Variants in PCIF1 observed in about 807,000 individuals in gnomAD.
The protein encoded by PCIF1 is mRNA (2'-O-methyladenosine-N(6)-)-methyltransferase.
PCIF1 carries 12 observed loss-of-function variants against 86.9 expected under a neutral mutation model. That is an observed-to-expected ratio of 0.14 (90% CI 0.09 to 0.22). The LOEUF (loss-of-function observed/expected upper bound fraction) is 0.22, where lower values mean the gene tolerates loss of function less well. PCIF1 is among the 10% of genes least tolerant of loss of function. The pLI, the probability that PCIF1 is intolerant of heterozygous loss-of-function variation, is 1.00. For missense variants in PCIF1, 701 were observed against 951.1 expected, an observed-to-expected ratio of 0.74 and a Z score of 3.46; for synonymous variants, 397 against 372.0, an observed-to-expected ratio of 1.07 and a Z score of -0.77.
Position 45,943,032 on chromosome 20 carries a change from G to T in PCIF1, c.674-65G>T, listed in dbSNP as rs531254927. ...CTGCTGAATGCGATGCTTCCTATAC[G>T]TGCCAAGCTCCAAGTGGGACTGCTT... On this transcript the variant is annotated intron_variant, in intron 7 of 16. Transcript: ENST00000372409. The surrounding 1 kb of genome is among the most constrained non-coding windows in gnomAD (Gnocchi z 5.5). 2.1e-5 allele frequency: 32 copies of T among 1,524,252 alleles called. No homozygotes were observed. In the East Asian group the frequency reaches 6.6e-4, roughly 32 times the overall value. The allele number at this position is 1,524,252 out of a possible 1,614,324, so 94.4% of individuals were successfully genotyped here.
chr20:45,936,341 A>ATT (rs746165752), intron 1 of PCIF1, among the ~76,000 whole-genome samples: 41 of 109,704 alleles, frequency 3.7e-4, no homozygotes, highest in African/African-American at 3.8e-4. Flanking sequence ...CGCCGGGCTA[A>ATT]TTTTTTTTTT....
At chr20:45,944,733 G>A (rs1272142598) in intron 10 of PCIF1, 135 bp from the exon 11 acceptor site, 1 of 920,670 alleles carries the variant, frequency 1.1e-6, no homozygotes, top group African/African-American at 1.7e-5. Flanking sequence ...ATTTGTCCAA[G>A]TGACACAGCT....
chr20:45,937,688 T>C (rs1018475499), intron 2 of PCIF1, 103 bp downstream of exon 2: 3 of 398,066 alleles, frequency 7.5e-6, no homozygotes, highest in Non-Finnish European at 1.3e-5. Context: ...CTTCATTTTT[T>C]TCGTACCTTG....
In PCIF1 at chr20:45,947,160, C is replaced by A; in HGVS notation, c.1701C>A (p.His567Gln). The A allele has an allele frequency of 6.2e-7, 1 of 1,612,512 alleles. No homozygotes were observed. Among genetic ancestry groups the A allele is most frequent in the Non-Finnish European group, 8.5e-7 (1 of 1,178,748 alleles). The change falls in exon 15 of 17, where the codon CAC becomes CAA. Residue 567 changes from histidine (H) to glutamine (Q), a missense_variant. Coordinates refer to ENST00000372409, the MANE Select transcript of PCIF1 (RefSeq NM_022104.4). This position sits in a 1 kb window ranked among gnomAD's most constrained non-coding sequence, Gnocchi z 5.4. The part of the protein sequence containing the change: ...CEELMDAMVS[H>Q]FERLLESSPE... ...AGCTCATGGATGCCATGGTCTCTCA[C>A]TTTGAGGTGGGTGCACTGCCAGGGT...
At chr20:45,937,061 C>T (rs1467773449) in intron 1 of PCIF1, among the ~76,000 whole-genome samples, 1 of 152,186 alleles carries the variant, frequency 6.6e-6, no homozygotes, top group African/African-American at 2.4e-5. Context: ...CCTAAGGGTA[C>T]TTCAGTTGGC....
intron 1 of PCIF1, among the ~76,000 whole-genome samples, chr20:45,935,777 A>G (rs1375000152): frequency 2.0e-5 from 3 of 150,954 alleles, no homozygotes; most frequent in African/African-American, 2.4e-5. Context: ...TCACCTCCGT[A>G]TTTATTTCTG....
intron 2 of PCIF1, 111 bp from the exon 3 acceptor site, chr20:45,938,870 A>G: frequency 7.0e-7 from 1 of 1,419,446 alleles, no homozygotes; most frequent in Non-Finnish European, 9.6e-7. Flanking sequence ...CCTCCAGGAT[A>G]GGACCTGATT....
rs760152007 is a variant in PCIF1, at chr20:45,947,779, C to T, written c.*24C>T. On this transcript the variant is annotated 3_prime_UTR_variant, in exon 17 of 17. Coordinates refer to ENST00000372409, the MANE Select transcript of PCIF1 (RefSeq NM_022104.4). The surrounding 1 kb of genome is among the most constrained non-coding windows in gnomAD (Gnocchi z 5.4). ...AACATATCCTGCGGGGAGGAGGAGC[C>T]CCAGGGGTGCTAGTCTGGACTGCTG... is the stretch of plus-strand genomic sequence containing the variant. 1.3e-6 allele frequency: 2 copies of T among 1,587,640 alleles called. No individual in the cohort carries two copies. Among genetic ancestry groups the T allele is most frequent in the South Asian group, 2.2e-5 (2 of 89,530 alleles).
chr20:45,945,588 C>T (rs528324189), intron 11 of PCIF1, 123 bp from the exon 12 acceptor site: 9 of 1,208,432 alleles, frequency 7.4e-6, no homozygotes, highest in South Asian at 6.4e-5. Context: ...TTCTACTGAA[C>T]TGGGCCAGAG....
In PCIF1 at chr20:45,943,504, A is replaced by AG; in HGVS notation, c.905+84dup. 1 of 1,425,194 alleles carries AG rather than the reference A, an allele frequency of 7.0e-7. No individual in the cohort carries two copies. Among genetic ancestry groups the AG allele is most frequent in the Non-Finnish European group, 9.7e-7 (1 of 1,027,238 alleles). 88.3% of individuals were successfully genotyped at this position (1,425,194 alleles called of 1,614,324 possible). A position where few individuals can be genotyped will look rare whatever the true frequency, so the allele number is the denominator to read the frequency against. On this transcript the variant is annotated intron_variant, in intron 9 of 16. Transcript: ENST00000372409. The surrounding 1 kb of genome is among the most constrained non-coding windows in gnomAD (Gnocchi z 5.5). ...TAGGCCATCTTGCCCAGTCTCATGC[A>AG]GGGCTGTCATTGCTCTCGGTGGCAG...
In PCIF1 at chr20:45,947,180, C is replaced by T. The variant is rs1389094990; in HGVS notation, c.1707+14C>T. 1.9e-6 allele frequency: 3 copies of T among 1,609,814 alleles called. No individual in the cohort carries two copies. Among genetic ancestry groups the T allele is most frequent in the African/African-American group, 1.3e-5 (1 of 74,994 alleles). On this transcript the variant is annotated intron_variant, in intron 15 of 16. Transcript: ENST00000372409. The surrounding 1 kb of genome is among the most constrained non-coding windows in gnomAD (Gnocchi z 5.4). ...TCTCACTTTGAGGTGGGTGCACTGC[C>T]AGGGTGAGAGGTGGGCAACAGGCAG...
At chr20:45,937,385 A>T (rs2083435897) in intron 1 of PCIF1, 33 bp from the exon 2 acceptor site, 1 of 399,148 alleles carries the variant, frequency 2.5e-6, no homozygotes, top group Admixed American at 4.4e-5. Context: ...AGCATCCCAC[A>T]GGTCTGTGAC....
Position 45,947,434 on chromosome 20 carries a change from A to C in PCIF1, c.1879A>C (p.Lys627Gln), listed in dbSNP as rs765935366. The change falls in exon 16 of 17, where the codon AAG (lysine) becomes CAG (glutamine). Residue 627 changes from lysine (K) to glutamine (Q), a missense_variant. Coordinates refer to ENST00000372409, the MANE Select transcript of PCIF1 (RefSeq NM_022104.4). This position sits in a 1 kb window ranked among gnomAD's most constrained non-coding sequence, Gnocchi z 5.4. ...EYRSGSQHIC[K>Q]KEEMHYKAVH... Reference sequence around the variant, plus strand: ...CCGCAGTGGCTCCCAGCACATCTGCAAGAAGTGGGTGCCAGGGAGGGCAGG... The same window carrying C: ...CCGCAGTGGCTCCCAGCACATCTGCCAGAAGTGGGTGCCAGGGAGGGCAGG... The C allele has an allele frequency of 6.2e-7, 1 of 1,613,808 alleles. No individual in the cohort carries two copies. The highest frequency in any genetic ancestry group is 1.1e-5 in the South Asian group (1 of 91,084).
chr20:45,947,548 C>T lies in PCIF1; in HGVS notation c.1908C>T (p.Val636=), dbSNP rs1366151360. 8.7e-6 allele frequency: 14 copies of T among 1,613,678 alleles called. No homozygotes were observed. The highest frequency in any genetic ancestry group is 1.3e-5 in the African/African-American group (1 of 74,946). ...GGGAGGAAATGCACTACAAGGCCGTCCACAACACGGCTGTGCTCTTCCTAC... is the reference window on the plus strand; with the variant it reads ...GGGAGGAAATGCACTACAAGGCCGTTCACAACACGGCTGTGCTCTTCCTAC... ...CKKEEMHYKA[V]HNTAVLFLQN... Residue 636 remains valine (V), a synonymous_variant, in exon 17 of 17, where the codon GTC becomes GTT. Coordinates refer to ENST00000372409, the MANE Select transcript of PCIF1 (RefSeq NM_022104.4). This position sits in a 1 kb window ranked among gnomAD's most constrained non-coding sequence, Gnocchi z 5.4.
In PCIF1 at chr20:45,944,862, C is replaced by G. The variant is rs749193631; in HGVS notation, c.1006-6C>G. On this transcript the variant is annotated splice_region_variant and splice_polypyrimidine_tract_variant and intron_variant, in intron 10 of 16. Transcript: ENST00000372409. ...CTAGCGCCCTGATCCAGAATGTGTC[C>G]TCTAGGATCGCCTGGAGCATCTGCG... is the stretch of plus-strand genomic sequence containing the variant. The G allele has an allele frequency of 3.7e-6, 6 of 1,611,994 alleles. No individual in the cohort carries two copies. The Admixed American group carries it at 1.0e-4, about 27-fold the overall frequency.
chr20:45,944,591 T>C (rs139356401), intron 10 of PCIF1, among the ~76,000 whole-genome samples: 150 of 152,366 alleles, frequency 9.8e-4, no homozygotes, highest in Admixed American at 2.4e-3. Context: ...CTGGCATTTA[T>C]TGTACACTTA....
rs778597602 is a variant in PCIF1, at chr20:45,947,579, G to A, written c.1939G>A (p.Asp647Asn). ...CACGGCTGTGCTCTTCCTACAGAAC[G>A]ACCCTGGCTTTGCCAAGTGGGCGCC... ...HNTAVLFLQN[D>N]PGFAKWAPTP... is the part of the protein sequence containing the mutation. Residue 647 changes from aspartate to asparagine, a missense_variant, in exon 17 of 17, where the codon GAC (aspartate) becomes AAC (asparagine). Transcript: ENST00000372409. The surrounding 1 kb of genome is among the most constrained non-coding windows in gnomAD (Gnocchi z 5.4). 8.3e-5 allele frequency: 134 copies of A among 1,613,416 alleles called. No homozygotes were observed. The highest frequency in any genetic ancestry group is 2.3e-4 in the Admixed American group (14 of 60,012).
In PCIF1 at chr20:45,943,864, C is replaced by T; in HGVS notation, c.1005+99C>T. The stretch of plus-strand genomic sequence containing the variant: ...TGTCCAGGCTGGGCAAGGCCTCCCC[C>T]AGCGGCCTATTCTTGTGCAGTATGG... On this transcript the variant is annotated intron_variant, in intron 10 of 16. Transcript: ENST00000372409. The surrounding 1 kb of genome is among the most constrained non-coding windows in gnomAD (Gnocchi z 5.5). 1.1e-6 allele frequency: 1 copy of T among 943,406 alleles called. No individual in the cohort carries two copies. Among genetic ancestry groups the T allele is most frequent in the South Asian group, 1.5e-5 (1 of 66,738 alleles). The allele number at this position is 943,406 out of a possible 1,614,324, so 58.4% of individuals were successfully genotyped here.
chr20:45,941,773 G>T (rs1161808182), intron 7 of PCIF1, among the ~76,000 whole-genome samples: 1 of 150,318 alleles, frequency 6.7e-6, no homozygotes, highest in Non-Finnish European at 1.5e-5. Context: ...TTTTTTAAGA[G>T]ACAGGATCTG....
Sources: allele counts gnomAD v4.1 joint callset (sites outside exome capture counted in the v4.1 genomes callset), GRCh38; gene constraint gnomAD v4.1.1; non-coding constraint Gnocchi (gnomAD v3.1); transcripts MANE v1.5; gene names NCBI Gene and HGNC (gene_info 2026-07-23, HGNC 2026-07-21).